ABCB11: variants seen among roughly 807,000 people sequenced by gnomAD.
The protein encoded by ABCB11 is ATP binding cassette subfamily B member 11.
A neutral mutation model predicts 148.0 loss-of-function variants in ABCB11; 95 were observed. The observed-to-expected ratio is 0.64, with a 90% CI of 0.54 to 0.76. The LOEUF (loss-of-function observed/expected upper bound fraction) is 0.76, where lower values mean the gene tolerates loss of function less well. Ranked by LOEUF, ABCB11 falls within the 30% of genes least tolerant of loss-of-function variation. ABCB11 has a pLI of 0.00. For missense variants in ABCB11, 1,523 were observed against 1,617.8 expected (o/e 0.94, Z 1.01); for synonymous variants, 591 against 555.4 (o/e 1.06, Z -0.90).
rs548948357 is a variant in ABCB11 at position 168,972,995 on chromosome 2, A to C, written c.1434+720T>G. Among the ~76,000 whole-genome samples, 14 of 152,146 alleles carry C rather than the reference A, an allele frequency of 9.2e-5. No individual in the cohort carries two copies. The South Asian group carries it at 2.7e-3, about 29-fold the overall frequency. On this transcript the variant is annotated intron_variant, in intron 13 of 27. Transcript: ENST00000650372. ...CATTTTAATAAAGTATCTGACACAT[A>C]ATATGTGATAAATAAATGGCAATTA...
chr2:168,962,802 A>G (rs1574437566), intron 18 of ABCB11, among the ~76,000 whole-genome samples: 1 of 151,682 alleles, frequency 6.6e-6, no homozygotes, highest in East Asian at 2.0e-4. Context: ...TAGAACTAGA[A>G]GAGAGGTTGA....
Position 168,972,194 on chromosome 2 carries a change from T to C in ABCB11, c.1435-144A>G, listed in dbSNP as rs111401162. 13,091 of 692,190 alleles carry C rather than the reference T, an allele frequency of 0.019. 244 individuals carry two copies. Among genetic ancestry groups the C allele is most frequent in the African/African-American group, 0.067 (3,721 of 55,650 alleles). 42.9% of individuals were successfully genotyped at this position (692,190 alleles called of 1,614,324 possible). On this transcript the variant is annotated intron_variant, in intron 13 of 27. Transcript: ENST00000650372. The stretch of plus-strand genomic sequence containing the variant: ...AACAATTCCTCTTGAAATGTGGTTC[T>C]TTATATAAGGATGATAACATGTAAT...
At chr2:169,018,782 T>C (rs1220580127) in intron 1 of ABCB11, among the ~76,000 whole-genome samples, 2 of 152,180 alleles carry the variant, frequency 1.3e-5, no homozygotes, top group African/African-American at 4.8e-5. Context: ...CAGCATGAAG[T>C]TTATGCTTCA....
intron 3 of ABCB11, 123 bp downstream of exon 3, chr2:169,016,655 T>C (rs986647774): frequency 5.2e-6 from 4 of 770,294 alleles, no homozygotes; most frequent in Non-Finnish European, 8.5e-6. Context: ...AAAGAATGGA[T>C]TGTATATATT....
intron 5 of ABCB11, among the ~76,000 whole-genome samples, chr2:169,010,123 C>T (rs947827164): frequency 1.3e-5 from 2 of 152,168 alleles, no homozygotes; most frequent in African/African-American, 2.4e-5. Flanking sequence ...TTCCAAATTA[C>T]ACCAGGGTTG....
intron 9 of ABCB11, among the ~76,000 whole-genome samples, chr2:168,986,647 A>C (rs1694337372): frequency 6.6e-6 from 1 of 152,122 alleles, no homozygotes; most frequent in Non-Finnish European, 1.5e-5. Flanking sequence ...TTATCAGAAA[A>C]TAATGCAACT....
rs748788951 is a variant in ABCB11 at position 168,936,280 on chromosome 2, A to G, written c.2764T>C (p.Leu922=). 1.9e-6 allele frequency: 3 copies of G among 1,613,956 alleles called. No individual in the cohort carries two copies. Among genetic ancestry groups the G allele is most frequent in the South Asian group, 1.1e-5 (1 of 91,066 alleles). Residue 922 remains leucine, a synonymous_variant, in exon 22 of 28, where the codon TTG becomes CTG. Coordinates refer to ENST00000650372, the MANE Select transcript of ABCB11 (RefSeq NM_003742.4). ...ALSGATQTRM[L]TGFASRDKQA... is the part of the protein sequence containing the mutation. ...TTATCTCGAGAGGCAAATCCTGTCA[A>G]CATCCTGGTCTGTGTGGCTCCTGAT...
chr2:168,975,179 TATAG>T (rs1276294613), intron 12 of ABCB11, among the ~76,000 whole-genome samples: 1 of 88,028 alleles, frequency 1.1e-5, no homozygotes, highest in Non-Finnish European at 2.2e-5. Context: ...TATATTTATT[TATAG>T]ATAAATATAT....
At chr2:169,022,007 A>C (rs185252923) in intron 1 of ABCB11, among the ~76,000 whole-genome samples, 31 of 152,182 alleles carry the variant, frequency 2.0e-4, no homozygotes, top group Admixed American at 1.8e-3. Context: ...TACTCAGTAA[A>C]ATTGTGTGTG....
At chr2:168,986,358 G>A (rs768304175) in intron 9 of ABCB11, 74 bp from the exon 10 acceptor site, 1 of 1,278,930 alleles carries the variant, frequency 7.8e-7, no homozygotes, top group Non-Finnish European at 1.1e-6. Flanking sequence ...AGGCCGTGAT[G>A]CAGTGGTTTT....
intron 9 of ABCB11, among the ~76,000 whole-genome samples, chr2:168,987,396 G>A (rs10202842): frequency 0.05 from 7,643 of 152,174 alleles, 636 homozygotes; most frequent in African/African-American, 0.17. Flanking sequence ...TTCACTGGGA[G>A]TTAATCTCTA....
chr2:168,933,422 G>A (rs1156356696), intron 23 of ABCB11, among the ~76,000 whole-genome samples: 1 of 152,110 alleles, frequency 6.6e-6, no homozygotes, highest in Non-Finnish European at 1.5e-5. Flanking sequence ...ATGAATAAAT[G>A]AATGATAAAT....
chr2:169,003,188 A>G (rs985290668), intron 5 of ABCB11, among the ~76,000 whole-genome samples: 51 of 152,006 alleles, frequency 3.4e-4, no homozygotes, highest in Middle Eastern at 3.4e-3. Flanking sequence ...GCTCGTACAT[A>G]TGAGTGAGAA....
At chr2:168,986,846 G>A (rs1177248083) in intron 9 of ABCB11, among the ~76,000 whole-genome samples, 2 of 152,056 alleles carry the variant, frequency 1.3e-5, no homozygotes, top group Non-Finnish European at 2.9e-5. Flanking sequence ...GCAAGGAATA[G>A]GTTTCAGTAA....
rs764682080 is a variant in ABCB11, at chr2:168,969,517, T to C, written c.1844A>G (p.His615Arg). ...TGCAGCTCTGACCGTAGACAAGCGA[T>C]GAGCAACTGAAATGATTGTGTGCCC... ...QHGHTIISVA[H>R]RLSTVRAADT... Residue 615 changes from histidine to arginine, a missense_variant, in exon 16 of 28, where the codon CAT becomes CGT. By Grantham distance (29) the His-to-Arg change is conservative. Transcript: ENST00000650372. 1.2e-6 allele frequency: 2 copies of C among 1,612,372 alleles called. No individual in the cohort carries two copies. Among genetic ancestry groups the C allele is most frequent in the Non-Finnish European group, 1.7e-6 (2 of 1,179,138 alleles).
Position 168,922,666 on chromosome 2 carries a change from A to C in ABCB11, c.*956T>G, listed in dbSNP as rs971301556. 6.6e-6 allele frequency among the ~76,000 whole-genome samples: 1 copy of C among 152,062 alleles called. No individual in the cohort carries two copies. Among genetic ancestry groups the C allele is most frequent in the Non-Finnish European group, 1.5e-5 (1 of 68,014 alleles). ...CAGGTGGCATCACTGTGTTTTCTTC[A>C]TTCTTGTAGATTCCTGCCGCCTTTA... On this transcript the variant is annotated 3_prime_UTR_variant, in exon 28 of 28. Transcript: ENST00000650372.
chr2:168,976,737 C>A, intron 11 of ABCB11, 50 bp from the exon 12 acceptor site: 1 of 1,055,602 alleles, frequency 9.5e-7, no homozygotes, highest in Non-Finnish European at 1.5e-6. Context: ...CTAAGATGCA[C>A]AACTCAATTC....
At chr2:168,919,859 TG>T (rs1297918068), downstream of ABCB11, among the ~76,000 whole-genome samples, 1 of 151,478 alleles carries the variant, frequency 6.6e-6, no homozygotes, top group Non-Finnish European at 1.5e-5. Flanking sequence ...TGTTTTGTTT[TG>T]TTTTTTGGTT....
chr2:168,966,957 T>C (rs1283986339), intron 17 of ABCB11, among the ~76,000 whole-genome samples: 1 of 151,926 alleles, frequency 6.6e-6, no homozygotes, highest in Admixed American at 6.6e-5. Context: ...GTTAACTAGT[T>C]CTAATAATAA....
Sources: allele counts gnomAD v4.1 joint callset (sites outside exome capture counted in the v4.1 genomes callset), GRCh38; gene constraint gnomAD v4.1.1; transcripts MANE v1.5; gene names NCBI Gene and HGNC (gene_info 2026-07-23, HGNC 2026-07-21).